PIAS4: variants seen among roughly 807,000 people sequenced by gnomAD.
The protein encoded by PIAS4 is E3 SUMO-protein ligase PIAS4.
A neutral mutation model predicts 58.0 loss-of-function variants in PIAS4; 7 were observed. The observed-to-expected ratio is 0.12, with a 90% confidence interval of 0.07 to 0.23. The LOEUF (loss-of-function observed/expected upper bound fraction) is 0.23. Among genes scored for constraint, PIAS4 ranks in the 10% least tolerant of loss-of-function variants. The probability of loss-of-function intolerance (pLI) is 1.00; values close to 1 mark genes in which losing one functional copy is unlikely to be tolerated. For synonymous variants in PIAS4, 364 were observed against 312.4 expected (o/e 1.17, Z -1.74); for missense variants, 550 against 709.5 (o/e 0.78, Z 2.55).
At chr19:4,017,521 T>G (rs2144913450) in intron 2 of PIAS4, among the ~76,000 whole-genome samples, 1 of 152,154 alleles carries the variant, frequency 6.6e-6, no homozygotes, top group South Asian at 2.1e-4. Flanking sequence ...CCTCTACTCT[T>G]GATCTGGGGG....
rs1303156077 is a variant in PIAS4, at chr19:4,028,528, C to T, written c.600C>T (p.Thr200=). Residue 200 remains threonine (T), a synonymous_variant, in exon 5 of 11, where the codon ACC becomes ACT. Transcript: ENST00000262971. ...GTTGCAGAATCTGTTACTCAGACACCAGCTGCCCTCAGGAGGACCAGTACC... is the reference window on the plus strand; with the variant it reads ...GTTGCAGAATCTGTTACTCAGACACTAGCTGCCCTCAGGAGGACCAGTACC... ...QVVLRICYSD[T]SCPQEDQYPP... is the part of the protein sequence containing the mutation. The T allele has an allele frequency of 3.1e-6, 5 of 1,612,760 alleles. No individual in the cohort carries two copies. The highest frequency in any genetic ancestry group is 4.2e-6 in the Non-Finnish European group (5 of 1,179,842).
At chr19:4,032,008 G>A (rs1285831875) in intron 7 of PIAS4, among the ~76,000 whole-genome samples, 1 of 152,168 alleles carries the variant, frequency 6.6e-6, no homozygotes, top group Non-Finnish European at 1.5e-5. Flanking sequence ...CAGGGGAGCT[G>A]CTGGGAGCCA....
At chr19:4,018,214 C>A (rs900551269) in intron 2 of PIAS4, among the ~76,000 whole-genome samples, 1 of 152,238 alleles carries the variant, frequency 6.6e-6, no homozygotes, top group Non-Finnish European at 1.5e-5. Flanking sequence ...GCAGTCCGGC[C>A]GGCGCCCTGC....
chr19:4,014,690 C>T (rs549286434), intron 2 of PIAS4, among the ~76,000 whole-genome samples: 1 of 152,360 alleles, frequency 6.6e-6, no homozygotes, highest in African/African-American at 2.4e-5. Context: ...GTGCATGCCC[C>T]CTCCCACCCT....
intron 8 of PIAS4, 38 bp from the exon 9 acceptor site, chr19:4,033,382 A>G: frequency 1.2e-5 from 19 of 1,532,294 alleles, no homozygotes; most frequent in Non-Finnish European, 1.7e-5. Flanking sequence ...CGGGCACAAC[A>G]GGAGGGGTGC....
intron 3 of PIAS4, among the ~76,000 whole-genome samples, chr19:4,027,034 A>T (rs1045230774): frequency 2.4e-4 from 35 of 148,740 alleles, no homozygotes; most frequent in African/African-American, 8.4e-4. Flanking sequence ...TTGTATTTTT[A>T]GTAGAGACGG....
chr19:4,027,515 T>C (rs915573887), intron 3 of PIAS4, among the ~76,000 whole-genome samples: 7 of 152,142 alleles, frequency 4.6e-5, no homozygotes, highest in Non-Finnish European at 8.8e-5. Context: ...CTTTTTCCTC[T>C]TCTTCTGGGG....
intron 1 of PIAS4, 117 bp downstream of exon 1, chr19:4,007,904 C>G (rs528706570): frequency 3.2e-5 from 24 of 759,818 alleles, no homozygotes; most frequent in Non-Finnish European, 4.0e-5. Flanking sequence ...GCCCGCGGCT[C>G]GCCGTCCCGG....
At chr19:4,023,889 C>T (rs770619598) in intron 2 of PIAS4, 147 bp from the exon 3 acceptor site, 85 of 638,994 alleles carry the variant, frequency 1.3e-4, no homozygotes, top group African/African-American at 2.0e-4. Flanking sequence ...CCTTCCTGGG[C>T]GGCCCCCACC....
At chr19:4,032,537 A>T (rs540845729) in intron 7 of PIAS4, among the ~76,000 whole-genome samples, 1 of 152,290 alleles carries the variant, frequency 6.6e-6, no homozygotes, top group South Asian at 2.1e-4. Flanking sequence ...TTCATGTTTC[A>T]CATATGTTTC....
intron 3 of PIAS4, 75 bp downstream of exon 3, chr19:4,024,195 C>CCA: frequency 9.1e-7 from 1 of 1,093,300 alleles, no homozygotes; most frequent in Non-Finnish European, 1.4e-6. Context: ...TGGGGAGAGC[C>CCA]GGCAGCCACG....
chr19:4,022,303 CTT>C (rs996099116), intron 2 of PIAS4, among the ~76,000 whole-genome samples: 3 of 152,132 alleles, frequency 2.0e-5, no homozygotes, highest in African/African-American at 7.2e-5. Flanking sequence ...TTCTCACTGT[CTT>C]TTTGTTGTTC....
In PIAS4 at chr19:4,011,697, T is replaced by C. The variant is rs372954838; in HGVS notation, c.28-1226T>C. Among the ~76,000 whole-genome samples, 45 of 118,000 alleles carry C rather than the reference T, an allele frequency of 3.8e-4. 1 individual carries two copies. The East Asian group carries it at 6.4e-3, about 17-fold the overall frequency. The allele number at this position is 118,000 out of a possible 152,430, so 77.4% of individuals were successfully genotyped here. On this transcript the variant is annotated intron_variant, in intron 1 of 10. Transcript: ENST00000262971. ...GGGGGGTGTGGAGGTGTGTGGGGTGTGGAGGTGTGTGGGGTGTGGAGGTGT... is the reference window on the plus strand; with the variant it reads ...GGGGGGTGTGGAGGTGTGTGGGGTGCGGAGGTGTGTGGGGTGTGGAGGTGT...
At chr19:4,020,637 T>G (rs35363371) in intron 2 of PIAS4, among the ~76,000 whole-genome samples, 23,415 of 152,296 alleles carry the variant, frequency 0.15, 2,218 homozygotes, top group Middle Eastern at 0.27. Context: ...AAATATATTT[T>G]TTAATGTAGA....
In PIAS4 at chr19:4,028,966, G is replaced by T; in HGVS notation, c.837G>T (p.Leu279=). The T allele has an allele frequency of 6.2e-7, 1 of 1,611,368 alleles. No homozygotes were observed. Among genetic ancestry groups the T allele is most frequent in the Non-Finnish European group, 8.5e-7 (1 of 1,179,334 alleles). The change falls in exon 7 of 11, where the codon CTG becomes CTT. Residue 279 remains leucine (L), a synonymous_variant. Transcript: ENST00000262971. Reference sequence around the variant, plus strand: ...TGGCCCTGTACCTGGTGCGGCAGCTGACCTCATCGGAGCTGCTGCAGAGGC... The same window carrying T: ...TGGCCCTGTACCTGGTGCGGCAGCTTACCTCATCGGAGCTGCTGCAGAGGC... The part of the protein sequence containing the change: ...YSVALYLVRQ[L]TSSELLQRLK...
chr19:4,012,909 T>C lies in PIAS4; in HGVS notation c.28-14T>C. ...CTGTGTCCTCTGAGTGTGTGTGTGCTTGCTCCTCCTCAGAACATGGTGATG... is the reference window on the plus strand; with the variant it reads ...CTGTGTCCTCTGAGTGTGTGTGTGCCTGCTCCTCCTCAGAACATGGTGATG... On this transcript the variant is annotated splice_polypyrimidine_tract_variant and intron_variant, in intron 1 of 10. Transcript: ENST00000262971. 1.2e-6 allele frequency: 2 copies of C among 1,602,326 alleles called. No individual in the cohort carries two copies. The highest frequency in any genetic ancestry group is 1.7e-6 in the Non-Finnish European group (2 of 1,172,142).
chr19:4,010,346 G>A (rs940192816), intron 1 of PIAS4, among the ~76,000 whole-genome samples: 1 of 152,234 alleles, frequency 6.6e-6, no homozygotes, highest in African/African-American at 2.4e-5. Context: ...GGGCTCCCGG[G>A]GTGCGAGGAT....
intron 1 of PIAS4, among the ~76,000 whole-genome samples, chr19:4,008,676 G>A (rs952699752): frequency 6.6e-6 from 1 of 152,076 alleles, no homozygotes; most frequent in Non-Finnish European, 1.5e-5. Context: ...GCTTCAGGGG[G>A]CTCTAAACCT....
chr19:4,022,565 A>G (rs1401986968), intron 2 of PIAS4, among the ~76,000 whole-genome samples: 2 of 150,744 alleles, frequency 1.3e-5, no homozygotes, highest in African/African-American at 4.9e-5. Flanking sequence ...ATGGGGTTTC[A>G]CCGTGTTAGC....
Sources: gnomAD v4.1 joint callset for allele counts (sites outside exome capture counted in the v4.1 genomes callset) on GRCh38, gnomAD v4.1.1 for gene constraint, MANE v1.5 for transcripts, NCBI Gene and HGNC (gene_info 2026-07-23, HGNC 2026-07-21) for gene names.